Variants in LRBA observed in about 807,000 individuals in gnomAD.
LRBA encodes LPS responsive beige-like anchor protein.
LRBA carries 176 observed loss-of-function variants against 330.0 expected under a neutral mutation model. That is an observed-to-expected ratio of 0.53 (90% CI 0.47 to 0.60). The LOEUF is 0.60. LRBA is among the 20% of genes least tolerant of loss of function. The pLI, the probability that LRBA is intolerant of heterozygous loss-of-function variation, is 0.00. For missense variants in LRBA, 3,259 were observed against 3,444.8 expected (o/e 0.95, Z 1.35); for synonymous variants, 1,230 against 1,193.0 (o/e 1.03, Z -0.64).
intron 22 of LRBA, among the ~76,000 whole-genome samples, chr4:150,860,794 C>T (rs931819560): frequency 1.3e-5 from 2 of 151,188 alleles, no homozygotes; most frequent in African/African-American, 4.9e-5. Flanking sequence ...TGCCACAGGG[C>T]GACAGAGCGA....
intron 47 of LRBA, among the ~76,000 whole-genome samples, chr4:150,365,981 C>G (rs1739418236): frequency 6.6e-6 from 1 of 151,874 alleles, no homozygotes; most frequent in Admixed American, 6.6e-5. Context: ...TGGAAAATAC[C>G]TTAAATACTT....
intron 37 of LRBA, among the ~76,000 whole-genome samples, chr4:150,644,793 T>A (rs1179777342): frequency 6.6e-6 from 1 of 151,882 alleles, no homozygotes; most frequent in Middle Eastern, 3.2e-3. Flanking sequence ...CCATCTGAAG[T>A]GGAATCTGCT....
intron 40 of LRBA, among the ~76,000 whole-genome samples, chr4:150,529,847 T>A (rs995031283): frequency 6.6e-6 from 1 of 152,186 alleles, no homozygotes; most frequent in Non-Finnish European, 1.5e-5. Context: ...AGAGAGAATA[T>A]AATAAATTCC....
chr4:150,631,664 C>T (rs1777390676), intron 37 of LRBA, among the ~76,000 whole-genome samples: 1 of 152,042 alleles, frequency 6.6e-6, no homozygotes, highest in South Asian at 2.1e-4. Context: ...TTAATCTTTA[C>T]CAAACTTACA....
intron 48 of LRBA, among the ~76,000 whole-genome samples, chr4:150,347,061 T>A (rs1736467613): frequency 6.6e-6 from 1 of 152,212 alleles, no homozygotes. Flanking sequence ...TTGTGATACA[T>A]TCTATAGCAT....
At position 150,559,555 on chromosome 4, in the gene LRBA, T is replaced by TATATTTATATAAATATATAAATATATAA. The variant is rs1554054704; in HGVS notation, c.6330+28465_6330+28492dup. Among the ~76,000 whole-genome samples, 99 of 124,042 alleles carry TATATTTATATAAATATATAAATATATAA rather than the reference T, an allele frequency of 8.0e-4. 3 individuals carry two copies. In the East Asian group the frequency reaches 0.014, roughly 18 times the overall value. The allele number at this position is 124,042 out of a possible 152,430, so 81.4% of individuals were successfully genotyped here. ...ATACATTATATATAAGATAAATATATATATTTATATAAATATATAAATATA... is the reference window on the plus strand; with the variant it reads ...ATACATTATATATAAGATAAATATATATATTTATATAAATATATAAATATATAAATATTTATATAAATATATAAATATA... On this transcript the variant is annotated intron_variant, in intron 40 of 56. Coordinates refer to ENST00000651943, the MANE Select transcript of LRBA (RefSeq NM_001364905.1).
At chr4:150,650,356 T>A (rs534529108) in intron 37 of LRBA, among the ~76,000 whole-genome samples, 1 of 152,202 alleles carries the variant, frequency 6.6e-6, no homozygotes, top group Admixed American at 6.5e-5. Context: ...CTATAAAATG[T>A]AATATGTTAT....
intron 42 of LRBA, among the ~76,000 whole-genome samples, chr4:150,477,048 G>A (rs904000149): frequency 6.6e-6 from 1 of 152,116 alleles, no homozygotes; most frequent in East Asian, 1.9e-4. Flanking sequence ...AAACCAAAAG[G>A]AGTAGCTCAT....
At chr4:150,980,273 G>A (rs1740685675) in intron 2 of LRBA, among the ~76,000 whole-genome samples, 1 of 152,012 alleles carries the variant, frequency 6.6e-6, no homozygotes, top group Non-Finnish European at 1.5e-5. Flanking sequence ...AAAATTCAAT[G>A]TCTCACCGTG....
intron 52 of LRBA, among the ~76,000 whole-genome samples, chr4:150,305,593 G>C (rs961661527): frequency 2.6e-5 from 4 of 152,056 alleles, no homozygotes; most frequent in Admixed American, 1.3e-4. Context: ...TATGAATAGG[G>C]ATGAGTATTA....
In LRBA at chr4:150,995,935, CT is replaced by C. The variant is rs1742583767; in HGVS notation, c.216+18491del. ...TTCAGAAGGAAATAAGAAAATATTC[CT>C]TTTCTATGAAGTAGGGAGAGTCTTC... On this transcript the variant is annotated intron_variant, in intron 2 of 56. Coordinates refer to ENST00000651943, the MANE Select transcript of LRBA (RefSeq NM_001364905.1). 4.6e-5 allele frequency among the ~76,000 whole-genome samples: 7 copies of C among 151,904 alleles called. No individual in the cohort carries two copies. In the South Asian group the frequency reaches 1.5e-3, roughly 32 times the overall value.
At chr4:150,775,452 A>AACACAC (rs200525703) in intron 34 of LRBA, among the ~76,000 whole-genome samples, 36 of 33,946 alleles carry the variant, frequency 1.1e-3, no homozygotes, top group South Asian at 0.01. Context: ...TCTGCAATGG[A>AACACAC]ACACACACAC....
At chr4:150,348,286 T>C (rs1045971174) in intron 48 of LRBA, among the ~76,000 whole-genome samples, 5 of 152,182 alleles carry the variant, frequency 3.3e-5, no homozygotes, top group African/African-American at 9.7e-5. Context: ...GACAAACAGA[T>C]ATAGGCCAAG....
chr4:150,325,231 T>A (rs1733083011), intron 49 of LRBA, among the ~76,000 whole-genome samples: 1 of 152,060 alleles, frequency 6.6e-6, no homozygotes, highest in Admixed American at 6.6e-5. Flanking sequence ...AGTGTGTGAG[T>A]GAGGCGAGGT....
chr4:150,694,784 C>T (rs1404470320), intron 36 of LRBA, among the ~76,000 whole-genome samples: 1 of 151,912 alleles, frequency 6.6e-6, no homozygotes, highest in Non-Finnish European at 1.5e-5. Flanking sequence ...AGACTGGATA[C>T]AACATGTTGG....
chr4:150,287,436 C>T (rs1317767798), intron 53 of LRBA, among the ~76,000 whole-genome samples: 1 of 152,178 alleles, frequency 6.6e-6, no homozygotes, highest in Non-Finnish European at 1.5e-5. Context: ...GGTCCATGAA[C>T]AAGAAAAGGT....
At chr4:150,895,377 C>T (rs1261007716) in intron 16 of LRBA, among the ~76,000 whole-genome samples, 1 of 152,016 alleles carries the variant, frequency 6.6e-6, no homozygotes, top group Non-Finnish European at 1.5e-5. Flanking sequence ...TGGTGTGCTG[C>T]ACCCATTAAC....
At chr4:150,701,288 G>A (rs1785095666) in intron 36 of LRBA, among the ~76,000 whole-genome samples, 1 of 152,078 alleles carries the variant, frequency 6.6e-6, no homozygotes, top group South Asian at 2.1e-4. Context: ...GACTGAGGCT[G>A]TTCTACAGTT....
At position 150,342,658 on chromosome 4, in the gene LRBA, T is replaced by C. The variant is rs554034889; in HGVS notation, c.7362+7334A>G. Among the ~76,000 whole-genome samples, 10 of 152,292 alleles carry C rather than the reference T, an allele frequency of 6.6e-5. No individual in the cohort carries two copies. In the East Asian group the frequency reaches 1.9e-3, roughly 29 times the overall value. On this transcript the variant is annotated intron_variant, in intron 48 of 56. Transcript: ENST00000651943. ...TTTAGTGCTCTTTTTATAGAGAGATTATTTTTATGATCACTTACTATGCCA... is the reference window on the plus strand; with the variant it reads ...TTTAGTGCTCTTTTTATAGAGAGATCATTTTTATGATCACTTACTATGCCA...
Sources: allele counts gnomAD v4.1 joint callset (sites outside exome capture counted in the v4.1 genomes callset), GRCh38; gene constraint gnomAD v4.1.1; transcripts MANE v1.5; gene names NCBI Gene and HGNC (gene_info 2026-07-23, HGNC 2026-07-21).